Variants in ADPGK observed in about 807,000 individuals in gnomAD.
ADPGK encodes ADP dependent glucokinase.
A neutral mutation model predicts 42.4 loss-of-function variants in ADPGK; 26 were observed. The ratio of observed to expected loss-of-function variants is 0.61; its 90% CI spans 0.45 to 0.85. The LOEUF (loss-of-function observed/expected upper bound fraction) is 0.85. Among genes scored for constraint, ADPGK ranks in the 40% least tolerant of loss-of-function variants. The pLI is 0.00. For missense variants in ADPGK, 571 were observed against 627.0 expected (o/e 0.91, Z 0.95); for synonymous variants, 267 against 252.6 (o/e 1.06, Z -0.54).
chr15:72,755,114 T>A (rs576983196), intron 6 of ADPGK, among the ~76,000 whole-genome samples: 1 of 152,352 alleles, frequency 6.6e-6, no homozygotes, highest in South Asian at 2.1e-4. Flanking sequence ...TCTCCAGAGC[T>A]TGTGTTCTGA....
At chr15:72,772,126 G>A (rs1034395848) in intron 2 of ADPGK, among the ~76,000 whole-genome samples, 6 of 152,162 alleles carry the variant, frequency 3.9e-5, no homozygotes, top group Non-Finnish European at 8.8e-5. Flanking sequence ...AAGAGACACA[G>A]GAAACAGGAA....
chr15:72,783,303 G>A lies in ADPGK; in HGVS notation c.233+156C>T, dbSNP rs2066491772. Reference sequence around the variant, plus strand: ...GTGGAAAGAGCAGCGGTGACGAACCGGGTTCCACTCAGACGTCCGACACTT... The same window carrying A: ...GTGGAAAGAGCAGCGGTGACGAACCAGGTTCCACTCAGACGTCCGACACTT... On this transcript the variant is annotated intron_variant, in intron 1 of 6. Coordinates refer to ENST00000456471, the MANE Select transcript of ADPGK (RefSeq NM_001365225.1). The A allele has an allele frequency of 2.4e-6, 3 of 1,265,448 alleles. No individual in the cohort carries two copies. The African/African-American group carries it at 4.6e-5, about 20-fold the overall frequency. The allele number at this position is 1,265,448 out of a possible 1,614,324, so 78.4% of individuals were successfully genotyped here. A position where few individuals can be genotyped will look rare whatever the true frequency, so the allele number is the denominator to read the frequency against.
intron 1 of ADPGK, 108 bp downstream of exon 1, chr15:72,783,351 C>A: frequency 7.7e-7 from 1 of 1,295,000 alleles, no homozygotes; most frequent in South Asian, 2.5e-5. Context: ...CCAGCGCGGA[C>A]AGCAGCGCCT....
At chr15:72,755,411 T>G in intron 6 of ADPGK, 145 bp downstream of exon 6, 1 of 606,288 alleles carries the variant, frequency 1.6e-6, no homozygotes, top group Non-Finnish European at 3.0e-6. Flanking sequence ...CTTATTTGGA[T>G]CTCCATGGAC....
chr15:72,754,886 T>C (rs2066091978), intron 6 of ADPGK, among the ~76,000 whole-genome samples: 2 of 152,152 alleles, frequency 1.3e-5, no homozygotes, highest in Non-Finnish European at 2.9e-5. Context: ...CTTATACTTG[T>C]ACAAAAGAAC....
intron 1 of ADPGK, chr15:72,782,858 T>A (rs1437446810): frequency 6.6e-6 from 1 of 152,224 alleles, no homozygotes; most frequent in East Asian, 1.9e-4. Context: ...AAGGAGGTAG[T>A]GTCATTTGGA....
Position 72,752,748 on chromosome 15 carries a change from A to C in ADPGK, c.1087T>G (p.Leu363Val), listed in dbSNP as rs756843148. 25 of 1,614,124 alleles carry C rather than the reference A, an allele frequency of 1.5e-5. No homozygotes were observed. The highest frequency in any genetic ancestry group is 2.1e-5 in the Non-Finnish European group (25 of 1,180,056). The part of the protein sequence containing the change: ...GMVSDILFWI[L>V]KEHGRSKSRA... ...CTTTTACTCCTCCCATGTTCTTTCA[A>C]GATCCAGAAGAGGATGTCACTGACC... The change falls in exon 7 of 7, where the codon TTG becomes GTG. Residue 363 changes from leucine (L) to valine (V), a missense_variant. This residue lies in a region of ADPGK where 434 missense variants were observed against 522.7 expected (regional missense o/e 0.83). Transcript: ENST00000456471.
intron 4 of ADPGK, chr15:72,757,201 C>CTTTTTTTTTTTTTTTT (rs34450649): frequency 8.1e-6 from 1 of 123,404 alleles, no homozygotes; most frequent in Non-Finnish European, 1.7e-5. Flanking sequence ...TTCTTTTTTC[C>CTTTTTTTTTTTTTTTT]TTTTTTTTTT....
At position 72,783,473 on chromosome 15, in the gene ADPGK, G is replaced by A; in HGVS notation, c.219C>T (p.Arg73=). The A allele has an allele frequency of 7.2e-7, 1 of 1,391,472 alleles. No individual in the cohort carries two copies. The highest frequency in any genetic ancestry group is 9.3e-7 in the Non-Finnish European group (1 of 1,079,502). The allele number at this position is 1,391,472 out of a possible 1,614,324, so 86.2% of individuals were successfully genotyped here. The change falls in exon 1 of 7, where the codon CGC becomes CGT. Residue 73 remains arginine (R), a synonymous_variant. Coordinates refer to ENST00000456471, the MANE Select transcript of ADPGK (RefSeq NM_001365225.1). ...TTGGCACTCACCCCACTGCCACGCG[G>A]CGCCAGCGCCGGACTGGCCGCACGA... ...ALIVRPVRRW[R]RVAVGVNACV...
rs532509907 is a variant in ADPGK, at chr15:72,754,107, A to C, written c.940-1212T>G. On this transcript the variant is annotated intron_variant, in intron 6 of 6. Transcript: ENST00000456471. The stretch of plus-strand genomic sequence containing the variant: ...AAATGAAGTCTATCAAAAAAAAAAA[A>C]AACAAAACCAACGACAGTCAGCCCT... Among the ~76,000 whole-genome samples, 332 of 152,090 alleles carry C rather than the reference A, an allele frequency of 2.2e-3. 2 individuals carry two copies. Among genetic ancestry groups the C allele is most frequent in the African/African-American group, 7.8e-3 (322 of 41,504 alleles).
In ADPGK at chr15:72,783,711, C is replaced by A; in HGVS notation, c.-20G>T. On this transcript the variant is annotated 5_prime_UTR_variant, in exon 1 of 7. In the 5' UTR this introduces an upstream ATG that the reference lacks. Transcript: ENST00000456471. ...CGCCATGGGGACCCAGGCGCCGCACCTGCGCGAACCAACTCCTTTCCTAGC... is the reference window on the plus strand; with the variant it reads ...CGCCATGGGGACCCAGGCGCCGCACATGCGCGAACCAACTCCTTTCCTAGC... 1.4e-6 allele frequency: 2 copies of A among 1,448,070 alleles called. No individual in the cohort carries two copies. Among genetic ancestry groups the A allele is most frequent in the Non-Finnish European group, 1.8e-6 (2 of 1,107,328 alleles). The allele number at this position is 1,448,070 out of a possible 1,614,324, so 89.7% of individuals were successfully genotyped here.
intron 6 of ADPGK, 107 bp downstream of exon 6, chr15:72,755,449 G>T: frequency 1.3e-6 from 1 of 771,142 alleles, no homozygotes; most frequent in Non-Finnish European, 2.1e-6. Flanking sequence ...AAACCTACAT[G>T]TCAGTGAGCC....
intron 1 of ADPGK, among the ~76,000 whole-genome samples, chr15:72,775,395 C>T (rs1324720238): frequency 6.6e-6 from 1 of 152,184 alleles, no homozygotes; most frequent in African/African-American, 2.4e-5. Context: ...AAAAATGTAA[C>T]ATTTCTGAGA....
chr15:72,776,602 T>G (rs544849599), intron 1 of ADPGK, among the ~76,000 whole-genome samples: 1 of 152,338 alleles, frequency 6.6e-6, no homozygotes, highest in Admixed American at 6.5e-5. Context: ...ATTTCTACTT[T>G]TAACATGCTT....
At chr15:72,776,519 TG>T (rs2066394489) in intron 1 of ADPGK, among the ~76,000 whole-genome samples, 1 of 152,216 alleles carries the variant, frequency 6.6e-6, no homozygotes, top group Non-Finnish European at 1.5e-5. Flanking sequence ...AATACATAGT[TG>T]TATTTCCCTT....
chr15:72,777,298 C>T (rs182721212), intron 1 of ADPGK, among the ~76,000 whole-genome samples: 181 of 152,236 alleles, frequency 1.2e-3, no homozygotes, highest in Admixed American at 3.5e-3. Context: ...TCCAGACAGC[C>T]CAGTCTAAAA....
intron 3 of ADPGK, among the ~76,000 whole-genome samples, chr15:72,766,496 T>C (rs999561652): frequency 6.6e-6 from 1 of 152,218 alleles, no homozygotes; most frequent in South Asian, 2.1e-4. Flanking sequence ...ATTATGACCG[T>C]CTGAAAGCTC....
chr15:72,756,654 A>T, intron 4 of ADPGK: 1 of 597,498 alleles, frequency 1.7e-6, no homozygotes, highest in Non-Finnish European at 2.9e-6. Context: ...GCCAAGAAAC[A>T]GAAACATAGT....
chr15:72,772,696 T>G (rs1285121266), intron 2 of ADPGK, among the ~76,000 whole-genome samples: 2 of 152,166 alleles, frequency 1.3e-5, no homozygotes, highest in African/African-American at 4.8e-5. Context: ...TGCTAAATTT[T>G]GAGAAACGAA....
Sources: gnomAD v4.1 joint callset for allele counts (sites outside exome capture counted in the v4.1 genomes callset) on GRCh38, gnomAD v4.1.1 for gene constraint, gnomAD v4.1.1 regional missense constraint, MANE v1.5 for transcripts, NCBI Gene and HGNC (gene_info 2026-07-23, HGNC 2026-07-21) for gene names.